Variants in COL5A2 observed in about 807,000 individuals in gnomAD.
The protein encoded by COL5A2 is collagen alpha-2(V) chain.
Under a neutral mutation model 208.2 loss-of-function variants are expected in COL5A2, and 23 were observed. That is an observed-to-expected ratio of 0.11 (90% CI 0.08 to 0.16). COL5A2 has a LOEUF of 0.16. COL5A2 is among the 10% of genes least tolerant of loss of function. The pLI is 1.00. For synonymous variants in COL5A2, 625 were observed against 628.5 expected (o/e 0.99, Z 0.08); for missense variants, 1,590 against 1,956.4 (o/e 0.81, Z 3.53).
At chr2:189,343,953 A>G in the COL5A2 span, among the ~76,000 whole-genome samples, 2 of 152,220 alleles carry the variant, frequency 1.3e-5, no homozygotes, top group Non-Finnish European at 2.9e-5. Context: ...CTATCTTAAT[A>G]ATTTTAAAGC....
chr2:189,204,114 G>A (rs1297448962), intron 1 of COL5A2, among the ~76,000 whole-genome samples: 1 of 152,082 alleles, frequency 6.6e-6, no homozygotes, highest in Non-Finnish European at 1.5e-5. Flanking sequence ...AGCCAGGATG[G>A]TCTCGATCTC....
chr2:189,125,733 G>C (rs1449829278), intron 1 of COL5A2, among the ~76,000 whole-genome samples: 1 of 151,992 alleles, frequency 6.6e-6, no homozygotes. Flanking sequence ...TTACAGGTAA[G>C]GTTTCCAGTC....
chr2:189,293,104 T>C, the COL5A2 span, among the ~76,000 whole-genome samples: 1 of 118,004 alleles, frequency 8.5e-6, no homozygotes, highest in Non-Finnish European at 1.8e-5. Context: ...GGGACTGTTG[T>C]GGGGTGGGGG....
chr2:189,331,965 A>G, the COL5A2 span, among the ~76,000 whole-genome samples: 34 of 151,710 alleles, frequency 2.2e-4, no homozygotes, highest in South Asian at 3.3e-3. Context: ...AAAAAAAAAA[A>G]CTGGTGACAA....
At chr2:189,217,098 T>G (rs1689288856) in intron 1 of COL5A2, among the ~76,000 whole-genome samples, 1 of 152,174 alleles carries the variant, frequency 6.6e-6, no homozygotes, top group Non-Finnish European at 1.5e-5. Context: ...TCTGTTTCAT[T>G]ATTTAAGAAT....
At chr2:189,218,668 G>A (rs1264578550) in intron 1 of COL5A2, among the ~76,000 whole-genome samples, 1 of 152,136 alleles carries the variant, frequency 6.6e-6, no homozygotes, top group African/African-American at 2.4e-5. Context: ...GGTAGTAGGG[G>A]AAAGATAAGG....
chr2:189,123,474 A>G (rs1687549495), intron 1 of COL5A2, among the ~76,000 whole-genome samples: 1 of 152,100 alleles, frequency 6.6e-6, no homozygotes, highest in Admixed American at 6.5e-5. Flanking sequence ...TGGGCCCTTA[A>G]TCCAATATGA....
intron 50 of COL5A2, 58 bp downstream of exon 50, chr2:189,041,528 C>T (rs950313064): frequency 7.6e-5 from 102 of 1,347,824 alleles, no homozygotes; most frequent in African/African-American, 1.0e-4. Flanking sequence ...ATTTCTTGGA[C>T]GGAATCTGAG....
At chr2:189,300,131 A>G in the COL5A2 span, among the ~76,000 whole-genome samples, 1 of 152,192 alleles carries the variant, frequency 6.6e-6, no homozygotes, top group African/African-American at 2.4e-5. Flanking sequence ...GATTCTCATG[A>G]CCAAGTAATA....
the COL5A2 span, among the ~76,000 whole-genome samples, chr2:189,348,772 T>C: frequency 6.6e-6 from 1 of 152,166 alleles, no homozygotes; most frequent in Non-Finnish European, 1.5e-5. Flanking sequence ...GCTGACTAAT[T>C]GGCAGGGTCT....
At chr2:189,242,439 G>T in the COL5A2 span, among the ~76,000 whole-genome samples, 1 of 152,230 alleles carries the variant, frequency 6.6e-6, no homozygotes, top group Admixed American at 6.5e-5. Flanking sequence ...TACAGTTCTA[G>T]CCAACATGAA....
chr2:189,068,374 A>G, intron 19 of COL5A2, 104 bp from the exon 20 acceptor site: 2 of 1,033,924 alleles, frequency 1.9e-6, no homozygotes, highest in Non-Finnish European at 3.0e-6. Flanking sequence ...AAGTAGAAGC[A>G]TTTTTTAAAA....
At chr2:189,057,133 C>A in intron 34 of COL5A2, 107 bp from the exon 35 acceptor site, 1 of 1,303,202 alleles carries the variant, frequency 7.7e-7, no homozygotes, top group Non-Finnish European at 1.1e-6. Context: ...CTAGTCGTAT[C>A]CAGGTGAGCC....
intron 1 of COL5A2, among the ~76,000 whole-genome samples, chr2:189,148,878 G>A (rs1576556782): frequency 1.3e-5 from 2 of 152,140 alleles, no homozygotes; most frequent in Non-Finnish European, 2.9e-5. Flanking sequence ...AGTGGCTCAC[G>A]CCTGTAATCC....
In COL5A2 at chr2:189,175,805, G is replaced by A. The variant is rs1475959668; in HGVS notation, c.97+3703C>T. Among the ~76,000 whole-genome samples, 6 of 151,912 alleles carry A rather than the reference G, an allele frequency of 3.9e-5. No homozygotes were observed. The East Asian group carries it at 5.8e-4, about 15-fold the overall frequency. Reference sequence around the variant, plus strand: ...TGACCTCAGGTGATCCGCCCACCTCGGCCTCCCAAAGTGCTGGGATTACAG... The same window carrying A: ...TGACCTCAGGTGATCCGCCCACCTCAGCCTCCCAAAGTGCTGGGATTACAG... On this transcript the variant is annotated intron_variant, in intron 1 of 53. Coordinates refer to ENST00000374866, the MANE Select transcript of COL5A2 (RefSeq NM_000393.5).
the COL5A2 span, among the ~76,000 whole-genome samples, chr2:189,348,590 C>A: frequency 6.6e-6 from 1 of 152,138 alleles, no homozygotes; most frequent in Admixed American, 6.6e-5. Flanking sequence ...GAGGAAATTA[C>A]ATAACTTCTC....
chr2:189,416,700 T>C, the COL5A2 span, among the ~76,000 whole-genome samples: 31 of 152,220 alleles, frequency 2.0e-4, no homozygotes, highest in South Asian at 4.1e-4. Context: ...ACCCTAAAAC[T>C]TAAAGTATAA....
the COL5A2 span, among the ~76,000 whole-genome samples, chr2:189,424,406 T>C: frequency 6.6e-6 from 1 of 152,182 alleles, no homozygotes; most frequent in South Asian, 2.1e-4. Flanking sequence ...GCAGATGACA[T>C]GACTTTATGT....
intron 43 of COL5A2, 86 bp downstream of exon 43, chr2:189,050,483 T>C: frequency 9.0e-7 from 1 of 1,108,818 alleles, no homozygotes; most frequent in South Asian, 1.3e-5. Flanking sequence ...TTAAATCTAT[T>C]CATCAAGCAA....
Sources: gnomAD v4.1 joint callset for allele counts (sites outside exome capture counted in the v4.1 genomes callset) on GRCh38, gnomAD v4.1.1 for gene constraint, MANE v1.5 for transcripts, NCBI Gene and HGNC (gene_info 2026-07-23, HGNC 2026-07-21) for gene names.